TRIP12: variants seen among roughly 807,000 people sequenced by gnomAD.
TRIP12 encodes E3 ubiquitin-protein ligase TRIP12.
In TRIP12, 25 loss-of-function variants were observed where a neutral mutation model predicts 244.2. That is an observed-to-expected ratio of 0.10 (90% CI 0.07 to 0.14). TRIP12 has a LOEUF of 0.14. Among genes scored for constraint, TRIP12 ranks in the 10% least tolerant of loss-of-function variants. The probability of loss-of-function intolerance (pLI) is 1.00; values close to 1 mark genes in which losing one functional copy is unlikely to be tolerated. For missense variants in TRIP12, 1,677 were observed against 2,486.4 expected (o/e 0.67, Z 6.92); for synonymous variants, 905 against 873.1 (o/e 1.04, Z -0.64).
intron 1 of TRIP12, among the ~76,000 whole-genome samples, chr2:229,916,136 T>C (rs915303453): frequency 6.6e-6 from 1 of 152,220 alleles, no homozygotes; most frequent in Non-Finnish European, 1.5e-5. Context: ...CTAATCTAAA[T>C]ACAGAATGTC....
At chr2:229,879,386 C>T (rs1019884427) in intron 2 of TRIP12, among the ~76,000 whole-genome samples, 3 of 152,232 alleles carry the variant, frequency 2.0e-5, no homozygotes, top group Admixed American at 1.3e-4. Flanking sequence ...CTAAATCTGA[C>T]TTGGAGTATT....
At chr2:229,770,012 C>T in intron 39 of TRIP12, among the ~76,000 whole-genome samples, 1 of 152,148 alleles carries the variant, frequency 6.6e-6, no homozygotes, top group East Asian at 1.9e-4. Context: ...GCTCTGTTGC[C>T]CAGGCTGGAG....
At chr2:229,914,109 G>C (rs1253899146) in intron 1 of TRIP12, among the ~76,000 whole-genome samples, 1 of 152,098 alleles carries the variant, frequency 6.6e-6, no homozygotes. Context: ...CTGAGGCAGG[G>C]AATCGCTTGA....
intron 1 of TRIP12, among the ~76,000 whole-genome samples, chr2:229,892,216 G>A (rs574746878): frequency 1.1e-4 from 16 of 152,242 alleles, no homozygotes; most frequent in African/African-American, 3.9e-4. Context: ...ATGGGAAGGA[G>A]GAAGGAAAAA....
chr2:229,835,433 TC>T (rs1222299093), intron 6 of TRIP12, among the ~76,000 whole-genome samples: 1 of 152,216 alleles, frequency 6.6e-6, no homozygotes, highest in African/African-American at 2.4e-5. Context: ...AATTATATAT[TC>T]GTATAAATTA....
intron 2 of TRIP12, among the ~76,000 whole-genome samples, chr2:229,864,047 A>AGAGAGAGAGAGAGAGTGTGTGT: frequency 3.5e-4 from 28 of 79,316 alleles, no homozygotes; most frequent in East Asian, 2.2e-3. Context: ...AGAGAGAGAG[A>AGAGAGAGAGAGAGAGTGTGTGT]GTGTGTGTGT....
chr2:229,879,668 G>T (rs1044663579), intron 2 of TRIP12, among the ~76,000 whole-genome samples: 1 of 152,158 alleles, frequency 6.6e-6, no homozygotes, highest in Non-Finnish European at 1.5e-5. Context: ...AAAAGACCAC[G>T]AATGGTGAAA....
chr2:229,871,026 T>G (rs1316796214), intron 2 of TRIP12, among the ~76,000 whole-genome samples: 5 of 151,906 alleles, frequency 3.3e-5, no homozygotes, highest in Admixed American at 2.6e-4. Context: ...GGCATGGTGG[T>G]GCACACCTGC....
chr2:229,784,491 A>G (rs2039366264), intron 34 of TRIP12, among the ~76,000 whole-genome samples: 1 of 148,668 alleles, frequency 6.7e-6, no homozygotes, highest in Non-Finnish European at 1.5e-5. Context: ...AAGATTTCTT[A>G]GGATGCAAAA....
At chr2:229,912,406 AAATCTAAT>A (rs2074458767) in intron 1 of TRIP12, among the ~76,000 whole-genome samples, 1 of 152,218 alleles carries the variant, frequency 6.6e-6, no homozygotes, top group Admixed American at 6.5e-5. Context: ...ATAATCTGTT[AAATCTAAT>A]TCCGTGATCT....
chr2:229,870,100 T>G (rs2062275840), intron 2 of TRIP12, among the ~76,000 whole-genome samples: 1 of 152,148 alleles, frequency 6.6e-6, no homozygotes, highest in Non-Finnish European at 1.5e-5. Context: ...GCTAACAGGA[T>G]CAGAGTAAAA....
At chr2:229,807,275 T>C (rs2046118313) in intron 17 of TRIP12, 1 of 187,876 alleles carries the variant, frequency 5.3e-6, no homozygotes, top group Admixed American at 5.7e-5. Context: ...ACAATTTACT[T>C]AACTATTTAC....
Position 229,811,207 on chromosome 2 carries a change from A to AT in TRIP12, c.1987-4dup, listed in dbSNP as rs748041717. The AT allele has an allele frequency of 2.2e-5, 36 of 1,611,806 alleles. No homozygotes were observed. The highest frequency in any genetic ancestry group is 2.4e-5 in the Non-Finnish European group (28 of 1,178,922). On this transcript the variant is annotated splice_polypyrimidine_tract_variant and splice_region_variant and intron_variant, in intron 13 of 41. Transcript: ENST00000675903. The stretch of plus-strand genomic sequence containing the variant: ...GTGCTTTCTACTGACTTTTTATCCT[A>AT]TTTTTTTAATAAAGGAAAATAAAAT...
chr2:229,850,024 TACTTTTAACAA>T (rs1443245123), intron 4 of TRIP12, among the ~76,000 whole-genome samples: 2 of 152,122 alleles, frequency 1.3e-5, no homozygotes, highest in Non-Finnish European at 2.9e-5. Context: ...CTTTCTGGAT[TACTTTTAACAA>T]ACATATATCA....
chr2:229,852,405 A>G (rs1355447015), intron 4 of TRIP12, among the ~76,000 whole-genome samples: 1 of 152,146 alleles, frequency 6.6e-6, no homozygotes, highest in Non-Finnish European at 1.5e-5. Flanking sequence ...TAGATTAGCA[A>G]AATATATTTT....
Position 229,811,220 on chromosome 2 carries a change from A to C in TRIP12, c.1987-16T>G. ...ACTTTTTATCCTATTTTTTTAATAA[A>C]GGAAAATAAAATTTATTAGCATAAA... On this transcript the variant is annotated splice_polypyrimidine_tract_variant and intron_variant, in intron 13 of 41. Transcript: ENST00000675903. The C allele has an allele frequency of 3.1e-6, 5 of 1,606,870 alleles. No homozygotes were observed. Among genetic ancestry groups the C allele is most frequent in the Non-Finnish European group, 4.3e-6 (5 of 1,175,930 alleles).
Position 229,859,150 on chromosome 2 carries a change from G to A in TRIP12, c.649C>T (p.Pro217Ser). 1.2e-6 allele frequency: 2 copies of A among 1,614,160 alleles called. No individual in the cohort carries two copies. Among genetic ancestry groups the A allele is most frequent in the South Asian group, 2.2e-5 (2 of 91,078 alleles). Residue 217 changes from proline (P) to serine (S), a missense_variant, in exon 4 of 42, where the codon CCT becomes TCT. This residue lies in a region of TRIP12 where 387 missense variants were observed against 392.6 expected (regional missense o/e 0.99). Coordinates refer to ENST00000675903, the MANE Select transcript of TRIP12 (RefSeq NM_001348323.3). ...GCTGATTTTGAAGCCAGCTTGGTAG[G>A]TTTCGCAGATCTCTCTTCTGCACCA... Reference protein sequence around the residue: ...STGAEERSAKPTKLASKSATS... With the variant: ...STGAEERSAKSTKLASKSATS...
intron 1 of TRIP12, among the ~76,000 whole-genome samples, chr2:229,906,706 T>C (rs1389715150): frequency 1.5e-5 from 2 of 134,776 alleles, no homozygotes; most frequent in African/African-American, 5.6e-5. Flanking sequence ...GGCAACACGG[T>C]AAGACTCCAC....
chr2:229,864,047 A>AGAGAGAGAGAGAGAGAGAGAGAGT lies in TRIP12; in HGVS notation c.99-3517_99-3516insACTCTCTCTCTCTCTCTCTCTCTC. Reference sequence around the variant, plus strand: ...GAGAGAGAGAGAGAGAGAGAGAGAGAGTGTGTGTGTGTGTGTGTGTGTGTG... The same window carrying AGAGAGAGAGAGAGAGAGAGAGAGT: ...GAGAGAGAGAGAGAGAGAGAGAGAGAGAGAGAGAGAGAGAGAGAGAGAGTGTGTGTGTGTGTGTGTGTGTGTGTG... On this transcript the variant is annotated intron_variant, in intron 2 of 41. Coordinates refer to ENST00000675903, the MANE Select transcript of TRIP12 (RefSeq NM_001348323.3). Among the ~76,000 whole-genome samples the AGAGAGAGAGAGAGAGAGAGAGAGT allele has an allele frequency of 1.0e-4, 8 of 79,318 alleles. 1 individual carries two copies. The highest frequency in any genetic ancestry group is 1.5e-4 in the African/African-American group (3 of 20,598). The allele number at this position is 79,318 out of a possible 152,430, so 52.0% of individuals were successfully genotyped here. A position where few individuals can be genotyped will look rare whatever the true frequency, so the allele number is the denominator to read the frequency against.
Sources: gnomAD v4.1 joint callset for allele counts (sites outside exome capture counted in the v4.1 genomes callset) on GRCh38, gnomAD v4.1.1 for gene constraint, gnomAD v4.1.1 regional missense constraint, MANE v1.5 for transcripts, NCBI Gene and HGNC (gene_info 2026-07-23, HGNC 2026-07-21) for gene names.